The following ADAMTS9 variants were observed in gnomAD, a reference collection of about 807,000 sequenced individuals.
ADAMTS9 encodes the protein A disintegrin and metalloproteinase with thrombospondin motifs 9.
A neutral mutation model predicts 257.1 loss-of-function variants in ADAMTS9; 107 were observed. That is an observed-to-expected ratio of 0.42 (90% CI 0.36 to 0.49). The LOEUF is 0.49. Ranked by LOEUF, ADAMTS9 falls within the 20% of genes least tolerant of loss-of-function variation. The probability of loss-of-function intolerance (pLI) is 0.03; values close to 1 mark genes in which losing one functional copy is unlikely to be tolerated. For synonymous variants in ADAMTS9, 982 were observed against 880.9 expected, an observed-to-expected ratio of 1.11 and a Z score of -2.03; for missense variants, 2,353 against 2,469.1, an observed-to-expected ratio of 0.95 and a Z score of 1.00.
intron 2 of ADAMTS9, among the ~76,000 whole-genome samples, chr3:64,682,168 C>A (rs1014326487): frequency 6.6e-6 from 1 of 152,210 alleles, no homozygotes; most frequent in African/African-American, 2.4e-5. Flanking sequence ...AGCACCTACC[C>A]ATTCACCTTG....
At chr3:64,543,380 C>G (rs1006903568) in intron 32 of ADAMTS9, among the ~76,000 whole-genome samples, 3 of 152,212 alleles carry the variant, frequency 2.0e-5, no homozygotes, top group Non-Finnish European at 4.4e-5. Flanking sequence ...AAAATACTGG[C>G]AAACCGAATC....
chr3:64,621,363 T>A (rs1325810359), intron 18 of ADAMTS9, 123 bp from the exon 19 acceptor site: 17 of 1,173,090 alleles, frequency 1.4e-5, no homozygotes, highest in Non-Finnish European at 2.0e-5. Flanking sequence ...GAGCGTATGA[T>A]CTCTGTTGCA....
At chr3:64,616,602 C>A (rs904532893) in intron 19 of ADAMTS9, among the ~76,000 whole-genome samples, 1 of 152,028 alleles carries the variant, frequency 6.6e-6, no homozygotes. Context: ...TCTCTGTCAC[C>A]TTTGTATCCA....
chr3:64,633,286 CTT>C, intron 14 of ADAMTS9, among the ~76,000 whole-genome samples, 184 bp downstream of exon 14: 1 of 152,218 alleles, frequency 6.6e-6, no homozygotes, highest in African/African-American at 2.4e-5. Flanking sequence ...GGCTCCCAAA[CTT>C]TGGCACTACA....
intron 2 of ADAMTS9, among the ~76,000 whole-genome samples, chr3:64,683,555 T>C (rs1701811992): frequency 6.6e-6 from 1 of 152,092 alleles, no homozygotes. Flanking sequence ...GTTCTGAGGA[T>C]TGGGTTCTTG....
intron 28 of ADAMTS9, among the ~76,000 whole-genome samples, chr3:64,570,169 C>T (rs910749285): frequency 2.6e-5 from 4 of 152,080 alleles, no homozygotes; most frequent in Admixed American, 2.6e-4. Flanking sequence ...TTATAGAGCA[C>T]CTACAATGTT....
intron 28 of ADAMTS9, among the ~76,000 whole-genome samples, chr3:64,579,261 T>G (rs1413030503): frequency 6.6e-6 from 1 of 152,212 alleles, no homozygotes; most frequent in Non-Finnish European, 1.5e-5. Flanking sequence ...GGCCTTAACC[T>G]GTAATACTCT....
chr3:64,659,231 G>A (rs140698894), intron 3 of ADAMTS9, among the ~76,000 whole-genome samples: 22 of 152,274 alleles, frequency 1.4e-4, no homozygotes, highest in African/African-American at 5.3e-4. Context: ...ACTTTGGGAG[G>A]CCGAGGCAGG....
At position 64,687,678 on chromosome 3, in the gene ADAMTS9, C is replaced by G. The variant is rs1173476507; in HGVS notation, c.-21G>C. The G allele has an allele frequency of 6.8e-7, 1 of 1,473,374 alleles. No individual in the cohort carries two copies. The highest frequency in any genetic ancestry group is 1.3e-5 in the South Asian group (1 of 77,998). The allele number at this position is 1,473,374 out of a possible 1,614,324, so 91.3% of individuals were successfully genotyped here. On this transcript the variant is annotated 5_prime_UTR_variant, in exon 1 of 40. Transcript: ENST00000498707. This position sits in a 1 kb window ranked among gnomAD's most constrained non-coding sequence, Gnocchi z 4.4. ...TGCATGGTGCTTCCCACCCCTCCCT[C>G]CGCTGCCCCCACCCCCCTCCCTCCT...
chr3:64,572,838 G>C (rs947561197), intron 28 of ADAMTS9, among the ~76,000 whole-genome samples: 2 of 152,194 alleles, frequency 1.3e-5, no homozygotes, highest in Admixed American at 6.5e-5. Context: ...CCAGGACTTT[G>C]GGAGGCCGAG....
At chr3:64,622,907 T>C (rs1700142482) in intron 16 of ADAMTS9, among the ~76,000 whole-genome samples, 1 of 152,188 alleles carries the variant, frequency 6.6e-6, no homozygotes, top group African/African-American at 2.4e-5. Flanking sequence ...AGTTATAGAA[T>C]TATAGATGGA....
chr3:64,589,637 T>C (rs960400729), intron 28 of ADAMTS9: 3 of 152,178 alleles, frequency 2.0e-5, no homozygotes, highest in Non-Finnish European at 4.4e-5. Context: ...TTATTAAAAA[T>C]AAACCCTAAC....
chr3:64,675,653 A>G (rs1454839437), intron 3 of ADAMTS9, among the ~76,000 whole-genome samples: 1 of 152,150 alleles, frequency 6.6e-6, no homozygotes, highest in Admixed American at 6.5e-5. Context: ...GAGTTTCTAT[A>G]TAGCAGTTTC....
At position 64,516,315 on chromosome 3, in the gene ADAMTS9, A is replaced by G. The variant is rs763809658; in HGVS notation, c.*812T>C. 8 of 152,578 alleles carry G rather than the reference A, an allele frequency of 5.2e-5. No individual in the cohort carries two copies. The highest frequency in any genetic ancestry group is 1.0e-4 in the Non-Finnish European group (7 of 68,030). The allele number at this position is 152,578 out of a possible 1,614,324, so 9.5% of individuals were successfully genotyped here. A position where few individuals can be genotyped will look rare whatever the true frequency, so the allele number is the denominator to read the frequency against. ...GGGGATCCTCCATTTGATTGTGGAG[A>G]GACCAAGGCACCGTGGGCTGAAGCA... is the stretch of plus-strand genomic sequence containing the variant. On this transcript the variant is annotated 3_prime_UTR_variant, in exon 40 of 40. Transcript: ENST00000498707.
intron 16 of ADAMTS9, among the ~76,000 whole-genome samples, chr3:64,628,940 CT>C (rs1201795790): frequency 6.6e-6 from 1 of 152,184 alleles, no homozygotes; most frequent in Non-Finnish European, 1.5e-5. Flanking sequence ...TGTAACTAGT[CT>C]TGTCATCTCA....
At chr3:64,523,979 A>G (rs2106874254) in intron 38 of ADAMTS9, among the ~76,000 whole-genome samples, 1 of 152,316 alleles carries the variant, frequency 6.6e-6, no homozygotes, top group African/African-American at 2.4e-5. Flanking sequence ...ACCTAAAATT[A>G]CAAGGCAAAA....
intron 11 of ADAMTS9, among the ~76,000 whole-genome samples, chr3:64,644,811 T>C (rs1700743841): frequency 1.3e-5 from 2 of 152,214 alleles, no homozygotes; most frequent in South Asian, 2.1e-4. Flanking sequence ...AAATGACCAC[T>C]CTTCTCATTA....
intron 39 of ADAMTS9, among the ~76,000 whole-genome samples, 164 bp from the exon 40 acceptor site, chr3:64,517,285 A>G (rs2082786473): frequency 6.6e-6 from 1 of 152,046 alleles, no homozygotes; most frequent in Admixed American, 6.6e-5. Context: ...TCTGTCACCG[A>G]GGCTGGAGTG....
intron 38 of ADAMTS9, among the ~76,000 whole-genome samples, chr3:64,532,837 T>C (rs1388885493): frequency 6.6e-6 from 1 of 152,196 alleles, no homozygotes; most frequent in Non-Finnish European, 1.5e-5. Flanking sequence ...GCAAGCTGGC[T>C]AACTGAAAGA....
Sources: allele counts gnomAD v4.1 joint callset (sites outside exome capture counted in the v4.1 genomes callset), GRCh38; gene constraint gnomAD v4.1.1; non-coding constraint Gnocchi (gnomAD v3.1); transcripts MANE v1.5; gene names NCBI Gene and HGNC (gene_info 2026-07-23, HGNC 2026-07-21).